The following TNFRSF8 variants were observed in gnomAD, a reference collection of about 807,000 sequenced individuals.
The protein encoded by TNFRSF8 is TNF receptor superfamily member 8.
In TNFRSF8, 26 loss-of-function variants were observed where a neutral mutation model predicts 70.8. That is an observed-to-expected ratio of 0.37 (90% confidence interval 0.27 to 0.51). The LOEUF (loss-of-function observed/expected upper bound fraction) is 0.51, where lower values mean the gene tolerates loss of function less well. Among genes scored for constraint, TNFRSF8 ranks in the 20% least tolerant of loss-of-function variants. The pLI, the probability that TNFRSF8 is intolerant of heterozygous loss-of-function variation, is 0.94. For missense variants in TNFRSF8, 720 were observed against 807.9 expected, an observed-to-expected ratio of 0.89 and a Z score of 1.32; for synonymous variants, 356 against 339.2, an observed-to-expected ratio of 1.05 and a Z score of -0.54.
chr1:12,081,352 G>C (rs1253479234), intron 1 of TNFRSF8, among the ~76,000 whole-genome samples: 1 of 152,074 alleles, frequency 6.6e-6, no homozygotes, highest in Admixed American at 6.5e-5. Flanking sequence ...GGCCTTGCCA[G>C]TGAGCCCTCA....
At chr1:12,096,601 A>G (rs1641335638) in intron 2 of TNFRSF8, among the ~76,000 whole-genome samples, 1 of 152,162 alleles carries the variant, frequency 6.6e-6, no homozygotes, top group Admixed American at 6.6e-5. Context: ...TAATTCCTGC[A>G]GTGAGATAAG....
At chr1:12,094,202 G>A (rs186866384) in intron 2 of TNFRSF8, among the ~76,000 whole-genome samples, 1 of 152,280 alleles carries the variant, frequency 6.6e-6, no homozygotes, top group African/African-American at 2.4e-5. Flanking sequence ...AAATAAATGT[G>A]TGATTACAAC....
At chr1:12,084,755 G>A (rs1310796418) in intron 2 of TNFRSF8, among the ~76,000 whole-genome samples, 1 of 152,084 alleles carries the variant, frequency 6.6e-6, no homozygotes, top group Non-Finnish European at 1.5e-5. Flanking sequence ...TGTGTTTCTT[G>A]CTGCCACCAG....
At chr1:12,122,932 G>A (rs1207872949) in intron 8 of TNFRSF8, among the ~76,000 whole-genome samples, 4 of 151,920 alleles carry the variant, frequency 2.6e-5, no homozygotes, top group African/African-American at 7.3e-5. Flanking sequence ...GGGTTCAAAC[G>A]ATTCTCCTGC....
chr1:12,138,586 T>G lies in TNFRSF8; in HGVS notation c.1543+150T>G. The G allele has an allele frequency of 1.2e-6, 1 of 809,324 alleles. No individual in the cohort carries two copies. The highest frequency in any genetic ancestry group is 1.9e-6 in the Non-Finnish European group (1 of 520,334). The allele number at this position is 809,324 out of a possible 1,614,324, so 50.1% of individuals were successfully genotyped here. A position where few individuals can be genotyped will look rare whatever the true frequency, so the allele number is the denominator to read the frequency against. On this transcript the variant is annotated intron_variant, in intron 14 of 14. Transcript: ENST00000263932. This position sits in a 1 kb window ranked among gnomAD's most constrained non-coding sequence, Gnocchi z 5.7. ...TAGATTCTTCACCCCAATTGAAGTT[T>G]CTGTAAGTAGGGACAGCGAGGGTAC...
At chr1:12,075,241 C>CAAAA (rs1242001829) in intron 1 of TNFRSF8, among the ~76,000 whole-genome samples, 5 of 134,296 alleles carry the variant, frequency 3.7e-5, no homozygotes, top group African/African-American at 1.4e-4. Flanking sequence ...GAGACTCTGC[C>CAAAA]AAAAAAAAAA....
intron 1 of TNFRSF8, among the ~76,000 whole-genome samples, chr1:12,074,734 G>A (rs1359696340): frequency 2.0e-5 from 3 of 152,174 alleles, no homozygotes; most frequent in Non-Finnish European, 4.4e-5. Context: ...GAGAAGCCCC[G>A]TGATCTAAAA....
intron 2 of TNFRSF8, among the ~76,000 whole-genome samples, chr1:12,090,976 A>G (rs1282222942): frequency 6.6e-6 from 1 of 152,208 alleles, no homozygotes; most frequent in African/African-American, 2.4e-5. Flanking sequence ...CAAATCCAAT[A>G]TGACTGGTGC....
chr1:12,101,773 G>A (rs1039387144), intron 3 of TNFRSF8, among the ~76,000 whole-genome samples: 3 of 152,142 alleles, frequency 2.0e-5, no homozygotes, highest in Non-Finnish European at 2.9e-5. Flanking sequence ...CTGGGTTCAA[G>A]CGATTCTCCT....
At position 12,131,940 on chromosome 1, in the gene TNFRSF8, C is replaced by T. The variant is rs144830654; in HGVS notation, c.1310-3648C>T. 2.9e-3 allele frequency among the ~76,000 whole-genome samples: 441 copies of T among 151,982 alleles called. 7 individuals are homozygous for T. The East Asian group carries it at 0.03, about 10-fold the overall frequency. ...TCCCGAGTAGCTGGGATTATAGGCG[C>T]GCGCCACCATGCCCAGCTAATTTTT... is the stretch of plus-strand genomic sequence containing the variant. On this transcript the variant is annotated intron_variant, in intron 12 of 14. Transcript: ENST00000263932.
chr1:12,114,341 A>G (rs1641687763), intron 7 of TNFRSF8, among the ~76,000 whole-genome samples: 1 of 152,234 alleles, frequency 6.6e-6, no homozygotes, highest in East Asian at 1.9e-4. Flanking sequence ...CTTAAGAGCT[A>G]TAATAATAAT....
intron 1 of TNFRSF8, among the ~76,000 whole-genome samples, chr1:12,069,420 C>G (rs1292171106): frequency 6.6e-6 from 1 of 150,768 alleles, no homozygotes; most frequent in Admixed American, 6.6e-5. Flanking sequence ...CTCAGACGAG[C>G]CCCCCCGCCT....
intron 1 of TNFRSF8, among the ~76,000 whole-genome samples, chr1:12,064,057 C>T (rs1018988500): frequency 2.0e-5 from 3 of 152,144 alleles, no homozygotes; most frequent in Non-Finnish European, 4.4e-5. Flanking sequence ...GGAGGTTGGT[C>T]GTCCGCGCTC....
chr1:12,068,441 G>A (rs12029016), intron 1 of TNFRSF8, among the ~76,000 whole-genome samples: 34,589 of 151,942 alleles, frequency 0.23, 4,604 homozygotes, highest in Admixed American at 0.42. Context: ...GACTAGACAC[G>A]CAGAATGTCA....
At chr1:12,104,308 T>C in intron 3 of TNFRSF8, 71 bp from the exon 4 acceptor site, 1 of 1,573,326 alleles carries the variant, frequency 6.4e-7, no homozygotes, top group Non-Finnish European at 8.7e-7. Context: ...CCTCTCCCCC[T>C]CATCTCAAGA....
At position 12,123,710 on chromosome 1, in the gene TNFRSF8, C is replaced by G; in HGVS notation, c.1041-5C>G. 1 of 1,556,872 alleles carries G rather than the reference C, an allele frequency of 6.4e-7. No individual in the cohort carries two copies. Among genetic ancestry groups the G allele is most frequent in the Non-Finnish European group, 8.7e-7 (1 of 1,149,276 alleles). On this transcript the variant is annotated splice_region_variant and splice_polypyrimidine_tract_variant and intron_variant, in intron 9 of 14. Coordinates refer to ENST00000263932, the MANE Select transcript of TNFRSF8 (RefSeq NM_001243.5). Reference sequence around the variant, plus strand: ...ATCACTCCTGCCTTGGGCTTCTCCCCGCAGCACCAGCCCCACTCAGAGCTT... The same window carrying G: ...ATCACTCCTGCCTTGGGCTTCTCCCGGCAGCACCAGCCCCACTCAGAGCTT...
intron 10 of TNFRSF8, among the ~76,000 whole-genome samples, chr1:12,124,307 C>T (rs1428032219): frequency 6.6e-6 from 1 of 152,164 alleles, no homozygotes; most frequent in Non-Finnish European, 1.5e-5. Context: ...CTGCGCCTGG[C>T]TGCTAGTGAC....
At chr1:12,114,477 C>T (rs1570048797) in intron 7 of TNFRSF8, among the ~76,000 whole-genome samples, 1 of 152,172 alleles carries the variant, frequency 6.6e-6, no homozygotes, top group Non-Finnish European at 1.5e-5. Flanking sequence ...ACTGTCCAGC[C>T]CTTATCATTA....
rs1356392740 is a variant in TNFRSF8 at position 12,142,354 on chromosome 1, C to A, written c.1611C>A (p.Gly537=). The change falls in exon 15 of 15, where the codon GGC becomes GGA. Residue 537 remains glycine, a synonymous_variant. Transcript: ENST00000263932. The surrounding 1 kb of genome is among the most constrained non-coding windows in gnomAD (Gnocchi z 5.0). ...VGTVKAELPE[G]RGLAGPAEPE... is the part of the protein sequence containing the mutation. ...CCGTGAAGGCTGAGCTGCCGGAGGG[C>A]CGGGGCCTGGCGGGGCCAGCAGAGC... is the stretch of plus-strand genomic sequence containing the variant. The A allele has an allele frequency of 6.2e-7, 1 of 1,608,168 alleles. No individual in the cohort carries two copies. Among genetic ancestry groups the A allele is most frequent in the African/African-American group, 1.3e-5 (1 of 74,892 alleles).
Sources: allele counts gnomAD v4.1 joint callset (sites outside exome capture counted in the v4.1 genomes callset), GRCh38; gene constraint gnomAD v4.1.1; non-coding constraint Gnocchi (gnomAD v3.1); transcripts MANE v1.5; gene names NCBI Gene and HGNC (gene_info 2026-07-23, HGNC 2026-07-21).